Variants in HJURP observed in about 807,000 individuals in gnomAD.
HJURP encodes the protein Holliday junction recognition protein, also known as 14-3-3-associated AKT substrate.
HJURP carries 49 observed loss-of-function variants against 72.0 expected under a neutral mutation model. That is an observed-to-expected ratio of 0.68 (90% CI 0.54 to 0.86). The LOEUF (loss-of-function observed/expected upper bound fraction) is 0.86, where lower values mean the gene tolerates loss of function less well. HJURP is among the 40% of genes least tolerant of loss of function. The probability of loss-of-function intolerance (pLI) is 0.00; values close to 1 mark genes in which losing one functional copy is unlikely to be tolerated. For synonymous variants in HJURP, 357 were observed against 347.1 expected (o/e 1.03, Z -0.32); for missense variants, 908 against 936.3 (o/e 0.97, Z 0.39).
Position 233,853,349 on chromosome 2 carries a change from C to G in HJURP, c.184+495G>C, listed in dbSNP as rs1365874009. Among the ~76,000 whole-genome samples the G allele has an allele frequency of 2.0e-5, 3 of 152,236 alleles. No homozygotes were observed. The East Asian group carries it at 5.8e-4, about 29-fold the overall frequency. On this transcript the variant is annotated intron_variant, in intron 2 of 8. Coordinates refer to ENST00000411486, the MANE Select transcript of HJURP (RefSeq NM_018410.5). ...TTTACATTAACTATTAAACGGAATG[C>G]CTTCTCCTCCCTATTCAAGTACTTG...
intron 7 of HJURP, 71 bp downstream of exon 7, chr2:233,844,134 G>A: frequency 1.6e-6 from 2 of 1,248,416 alleles, no homozygotes; most frequent in Non-Finnish European, 2.4e-6. Flanking sequence ...GAGCAGCTCT[G>A]AGGGGCCACG....
Position 233,840,792 on chromosome 2 carries a change from C to G in HJURP, c.1988G>C (p.Cys663Ser). ...STAIEAPSST[C>S]VARAITRDGT... is the part of the protein sequence containing the mutation. Reference sequence around the variant, plus strand: ...ATCCCTCGTGATGGCACGAGCAACACATGTAGATGAAGGAGCCTCAATTGC... The same window carrying G: ...ATCCCTCGTGATGGCACGAGCAACAGATGTAGATGAAGGAGCCTCAATTGC... The change falls in exon 8 of 9, where the codon TGT (cysteine) becomes TCT (serine). Residue 663 changes from cysteine to serine, a missense_variant. Cys to Ser is a moderately radical substitution (Grantham distance 112). Coordinates refer to ENST00000411486, the MANE Select transcript of HJURP (RefSeq NM_018410.5). 6.2e-7 allele frequency: 1 copy of G among 1,613,608 alleles called. No homozygotes were observed. The highest frequency in any genetic ancestry group is 8.5e-7 in the Non-Finnish European group (1 of 1,179,860).
rs1279179272 is a variant in HJURP at position 233,844,355 on chromosome 2, C to T, written c.496-72G>A. Reference sequence around the variant, plus strand: ...ACTGGGTGCAAGGAGCTGGGTTCTCCCCTGACGATGCGGACTGTGCATCTT... The same window carrying T: ...ACTGGGTGCAAGGAGCTGGGTTCTCTCCTGACGATGCGGACTGTGCATCTT... On this transcript the variant is annotated intron_variant, in intron 6 of 8. Transcript: ENST00000411486. 8.8e-6 allele frequency: 10 copies of T among 1,133,646 alleles called. No homozygotes were observed. The East Asian group carries it at 2.1e-4, about 24-fold the overall frequency. 70.2% of individuals were successfully genotyped at this position (1,133,646 alleles called of 1,614,324 possible).
At chr2:233,848,348 C>T (rs975053697) in intron 4 of HJURP, among the ~76,000 whole-genome samples, 1 of 152,192 alleles carries the variant, frequency 6.6e-6, no homozygotes, top group African/African-American at 2.4e-5. Context: ...GGAGGCCATG[C>T]GGTCAGGCAG....
chr2:233,849,279 A>G (rs1016912262), intron 4 of HJURP, among the ~76,000 whole-genome samples: 1 of 152,140 alleles, frequency 6.6e-6, no homozygotes, highest in Non-Finnish European at 1.5e-5. Flanking sequence ...GCGCATCTAA[A>G]TACCGACGGA....
At chr2:233,850,876 C>T (rs149918672) in intron 3 of HJURP, among the ~76,000 whole-genome samples, 175 of 152,350 alleles carry the variant, frequency 1.1e-3, no homozygotes, top group Non-Finnish European at 2.3e-3. Context: ...TTATAACCAA[C>T]CCAGCACAGG....
At chr2:233,853,753 A>T in intron 2 of HJURP, 91 bp downstream of exon 2, 1 of 1,056,134 alleles carries the variant, frequency 9.5e-7, no homozygotes, top group Non-Finnish European at 1.4e-6. Context: ...TAGGTGAACA[A>T]TGTTTACTTC....
At chr2:233,839,242 T>C (rs1297015332) in intron 8 of HJURP, among the ~76,000 whole-genome samples, 1 of 152,170 alleles carries the variant, frequency 6.6e-6, no homozygotes, top group Non-Finnish European at 1.5e-5. Flanking sequence ...ATGAGACTGG[T>C]CTGTGTCCAG....
rs1277732279 is a variant in HJURP at position 233,846,794 on chromosome 2, C to A, written c.402+603G>T. On this transcript the variant is annotated intron_variant, in intron 5 of 8. Transcript: ENST00000411486. This position sits in a 1 kb window ranked among gnomAD's most constrained non-coding sequence, Gnocchi z 4.3. The stretch of plus-strand genomic sequence containing the variant: ...CAGGCAACAGAGTGTGACACGGGGG[C>A]CAGGAAAGATGCTGGAGCTGGTTAA... 6.6e-6 allele frequency among the ~76,000 whole-genome samples: 1 copy of A among 152,188 alleles called. No individual in the cohort carries two copies. The highest frequency in any genetic ancestry group is 1.5e-5 in the Non-Finnish European group (1 of 68,040).
rs1705394377 is a variant in HJURP, at chr2:233,847,553, T to C, written c.338-92A>G. ...GGTTTTGGCATCACTTCGAGTAAGT[T>C]GTACAGTAAAAATCCCCATTGCTTC... On this transcript the variant is annotated intron_variant, in intron 4 of 8. Coordinates refer to ENST00000411486, the MANE Select transcript of HJURP (RefSeq NM_018410.5). 5.6e-6 allele frequency: 6 copies of C among 1,073,256 alleles called. No individual in the cohort carries two copies. The South Asian group carries it at 7.7e-5, about 14-fold the overall frequency. 66.5% of individuals were successfully genotyped at this position (1,073,256 alleles called of 1,614,324 possible).
chr2:233,837,456 T>C lies in HJURP; in HGVS notation c.*121A>G. On this transcript the variant is annotated 3_prime_UTR_variant, in exon 9 of 9. Coordinates refer to ENST00000411486, the MANE Select transcript of HJURP (RefSeq NM_018410.5). ...TTATCTCTGATGGAACCAATTTCAC[T>C]AATATTTACTTTAAGGGCAGAGAAG... 1 of 693,470 alleles carries C rather than the reference T, an allele frequency of 1.4e-6. No homozygotes were observed. Among genetic ancestry groups the C allele is most frequent in the South Asian group, 1.6e-5 (1 of 60,808 alleles). The allele number at this position is 693,470 out of a possible 1,614,324, so 43.0% of individuals were successfully genotyped here.
chr2:233,837,319 AC>A lies in HJURP; in HGVS notation c.*257del, dbSNP rs1405223769. On this transcript the variant is annotated 3_prime_UTR_variant, in exon 9 of 9. Coordinates refer to ENST00000411486, the MANE Select transcript of HJURP (RefSeq NM_018410.5). ...AAACAAACAAACAAACAAACAAATA[AC>A]CCCCCCCCAAAAAAAACACACACAT... 1,542 of 275,600 alleles carry A rather than the reference AC, an allele frequency of 5.6e-3. 28 individuals are homozygous for A. The highest frequency in any genetic ancestry group is 7.0e-3 in the Non-Finnish European group (1,057 of 151,598). The allele number at this position is 275,600 out of a possible 1,614,324, so 17.1% of individuals were successfully genotyped here. A position where few individuals can be genotyped will look rare whatever the true frequency, so the allele number is the denominator to read the frequency against.
rs772605369 is a variant in HJURP, at chr2:233,845,806, T to C, written c.417A>G (p.Gln139=). ...VAWALAPAVP[Q]SPLKNELRRK... ...TTCTTAATTCATTTTTCAAAGGGCT[T>C]TGAGGCACTGCAGGCTGATCAAAAA... is the stretch of plus-strand genomic sequence containing the variant. The change falls in exon 6 of 9, where the codon CAA becomes CAG. Residue 139 remains glutamine, a synonymous_variant. Coordinates refer to ENST00000411486, the MANE Select transcript of HJURP (RefSeq NM_018410.5). 4 of 1,612,474 alleles carry C rather than the reference T, an allele frequency of 2.5e-6. No homozygotes were observed. Among genetic ancestry groups the C allele is most frequent in the Non-Finnish European group, 8.5e-7 (1 of 1,178,604 alleles).
chr2:233,844,476 G>T (rs1705308177), intron 6 of HJURP, among the ~76,000 whole-genome samples, 193 bp from the exon 7 acceptor site: 1 of 152,212 alleles, frequency 6.6e-6, no homozygotes, highest in South Asian at 2.1e-4. Context: ...GATCTGGACA[G>T]TTGATGTGGT....
At chr2:233,843,630 G>A (rs1170726829) in intron 7 of HJURP, among the ~76,000 whole-genome samples, 2 of 152,154 alleles carry the variant, frequency 1.3e-5, no homozygotes, top group African/African-American at 2.4e-5. Context: ...CTTGATGGAG[G>A]GAGACTAAAC....
In HJURP at chr2:233,837,670, C is replaced by CA. The variant is rs748553439; in HGVS notation, c.2172-19dup. 31 of 1,535,630 alleles carry CA rather than the reference C, an allele frequency of 2.0e-5. No homozygotes were observed. Among genetic ancestry groups the CA allele is most frequent in the Non-Finnish European group, 2.6e-5 (29 of 1,125,904 alleles). ...TCTCTCCTCTAGGAAAAAAAAAAGA[C>CA]AAAGAAAATGATGTTAGCAAAATTC... On this transcript the variant is annotated intron_variant, in intron 8 of 8. Coordinates refer to ENST00000411486, the MANE Select transcript of HJURP (RefSeq NM_018410.5).
chr2:233,844,148 C>T, intron 7 of HJURP, 57 bp downstream of exon 7: 1 of 1,460,698 alleles, frequency 6.8e-7, no homozygotes, highest in Admixed American at 1.7e-5. Flanking sequence ...GGCCACGCAG[C>T]TCCAACAAAA....
chr2:233,838,797 T>C (rs1298022368), intron 8 of HJURP, among the ~76,000 whole-genome samples: 1 of 152,198 alleles, frequency 6.6e-6, no homozygotes, highest in Non-Finnish European at 1.5e-5. Flanking sequence ...CCATGAAGTG[T>C]CTGCCATGAA....
chr2:233,852,334 GA>G (rs1215084670), intron 3 of HJURP, among the ~76,000 whole-genome samples: 1 of 152,180 alleles, frequency 6.6e-6, no homozygotes, highest in African/African-American at 2.4e-5. Context: ...TGTGACACAG[GA>G]AACACAGGGT....
Sources: allele counts gnomAD v4.1 joint callset (sites outside exome capture counted in the v4.1 genomes callset), GRCh38; gene constraint gnomAD v4.1.1; non-coding constraint Gnocchi (gnomAD v3.1); transcripts MANE v1.5; gene names NCBI Gene and HGNC (gene_info 2026-07-23, HGNC 2026-07-21).